The following GCN1 variants were observed in gnomAD, a reference collection of about 807,000 sequenced individuals.
GCN1 encodes GCN1 activator of EIF2AK4, also known as stalled ribosome sensor GCN1.
A neutral mutation model predicts 288.4 loss-of-function variants in GCN1; 90 were observed. That is an observed-to-expected ratio of 0.31 (90% CI 0.26 to 0.37). The LOEUF (loss-of-function observed/expected upper bound fraction) is 0.37. GCN1 is among the 10% of genes least tolerant of loss of function. The probability of loss-of-function intolerance (pLI) is 1.00; values close to 1 mark genes in which losing one functional copy is unlikely to be tolerated. For synonymous variants in GCN1, 1,386 were observed against 1,420.2 expected (o/e 0.98, Z 0.54); for missense variants, 2,586 against 3,419.9 (o/e 0.76, Z 6.08).
rs565637961 is a variant in GCN1, at chr12:120,137,670, A to C, written c.6538T>G (p.Ser2180Ala). The C allele has an allele frequency of 6.2e-7, 1 of 1,614,012 alleles. No homozygotes were observed. Among genetic ancestry groups the C allele is most frequent in the Non-Finnish European group, 8.5e-7 (1 of 1,180,000 alleles). ...AAAIILNIYC[S>A]RSKADYTSHL... ...CTGGTGTAGTCAGCCTTTGAGCGGG[A>C]ACAGTAGATGTTGAGGATGATGGCA... is the stretch of plus-strand genomic sequence containing the variant. The change falls in exon 49 of 58, where the codon TCC becomes GCC. Residue 2180 changes from serine (S) to alanine (A), a missense_variant. By Grantham distance (99) the Ser-to-Ala change is moderately conservative. Transcript: ENST00000300648. The surrounding 1 kb of genome is among the most constrained non-coding windows in gnomAD (Gnocchi z 5.2).
In GCN1 at chr12:120,137,366, A is replaced by G; in HGVS notation, c.6664-47T>C. ...CGAGAGGATGTACAGCCCTCTCAAG[A>G]CTGCTTCCAAAGAATATATGGGGAA... On this transcript the variant is annotated intron_variant, in intron 49 of 57. Transcript: ENST00000300648. This position sits in a 1 kb window ranked among gnomAD's most constrained non-coding sequence, Gnocchi z 5.2. 6.6e-7 allele frequency: 1 copy of G among 1,519,584 alleles called. No individual in the cohort carries two copies. The highest frequency in any genetic ancestry group is 9.1e-7 in the Non-Finnish European group (1 of 1,095,214). The allele number at this position is 1,519,584 out of a possible 1,614,324, so 94.1% of individuals were successfully genotyped here.
In GCN1 at chr12:120,177,528, G is replaced by C; in HGVS notation, c.757C>G (p.Leu253Val). 1.9e-6 allele frequency: 3 copies of C among 1,611,066 alleles called. No individual in the cohort carries two copies. The highest frequency in any genetic ancestry group is 2.2e-5 in the South Asian group (2 of 91,002). The change falls in exon 9 of 58, where the codon CTG becomes GTG. Residue 253 changes from leucine (L) to valine (V), a missense_variant. Physicochemically the swap from Leu to Val is conservative, Grantham distance 32. Transcript: ENST00000300648. ...AGATCCTTAAATTCTGAGTGGGACA[G>C]GTATCGGAGCAGAGGGGCACAGCTA... ...LDSCAPLLRYLSHSEFKDLIL... is the reference protein window; with the variant it reads ...LDSCAPLLRYVSHSEFKDLIL...
At chr12:120,184,731 G>A (rs1878768298) in intron 3 of GCN1, 93 bp downstream of exon 3, 3 of 914,912 alleles carry the variant, frequency 3.3e-6, no homozygotes, top group Non-Finnish European at 5.4e-6. Flanking sequence ...TTTGGCACCA[G>A]GCAGTCTGGC....
chr12:120,151,119 G>A, intron 34 of GCN1, 26 bp downstream of exon 34: 1 of 1,606,206 alleles, frequency 6.2e-7, no homozygotes, highest in Non-Finnish European at 8.5e-7. Flanking sequence ...CCCATGCTGG[G>A]CAGCCCCAAG....
At chr12:120,145,565 T>C (rs1314325147) in intron 38 of GCN1, among the ~76,000 whole-genome samples, 1 of 152,174 alleles carries the variant, frequency 6.6e-6, no homozygotes, top group Non-Finnish European at 1.5e-5. Context: ...CCCAGGCCCA[T>C]CCTCAACAAA....
intron 22 of GCN1, 42 bp from the exon 23 acceptor site, chr12:120,160,297 A>AC: frequency 7.4e-7 from 1 of 1,343,502 alleles, no homozygotes; most frequent in Non-Finnish European, 1.1e-6. Flanking sequence ...TCTCCAGGGA[A>AC]CAGACCTCCC....
chr12:120,140,930 G>A lies in GCN1; in HGVS notation c.5923C>T (p.Gln1975Ter). The A allele has an allele frequency of 6.2e-7, 1 of 1,614,084 alleles. No homozygotes were observed. Among genetic ancestry groups the A allele is most frequent in the Non-Finnish European group, 8.5e-7 (1 of 1,179,980 alleles). Residue 1975 changes from glutamine to a stop codon, truncating the protein, a stop_gained, in exon 45 of 58, where the codon CAG (glutamine) becomes TAG (stop). Transcript: ENST00000300648. LOFTEE classifies it high-confidence loss of function. ...ACACCCTGCCTCTCATCGCTCTTCT[G>A]AGACCTCAGGCCTTCCTCAAGGATG... The part of the protein sequence containing the change: ...IPILEEGLRS[Q>*]KSDERQGVCI...
chr12:120,182,180 A>T (rs994492188), intron 5 of GCN1, among the ~76,000 whole-genome samples: 2 of 151,760 alleles, frequency 1.3e-5, no homozygotes, highest in Non-Finnish European at 2.9e-5. Context: ...AAACAAAAAA[A>T]ACCACTCAGT....
At chr12:120,183,919 G>A (rs1878743542) in intron 4 of GCN1, among the ~76,000 whole-genome samples, 193 bp downstream of exon 4, 1 of 152,176 alleles carries the variant, frequency 6.6e-6, no homozygotes, top group South Asian at 2.1e-4. Context: ...CCACCATTAG[G>A]GGCCTGGTGG....
At chr12:120,176,268 CA>C in intron 9 of GCN1, 51 bp from the exon 10 acceptor site, 1 of 1,255,870 alleles carries the variant, frequency 8.0e-7, no homozygotes, top group Non-Finnish European at 1.2e-6. Context: ...ATAAATTCAA[CA>C]GATAATTTTG....
rs113542818 is a variant in GCN1, at chr12:120,157,782, C to T, written c.3087+67G>A. 533 of 1,266,636 alleles carry T rather than the reference C, an allele frequency of 4.2e-4. 3 individuals carry two copies. The African/African-American group carries it at 6.1e-3, about 15-fold the overall frequency. The allele number at this position is 1,266,636 out of a possible 1,614,324, so 78.5% of individuals were successfully genotyped here. ...ACCAGGAACTGTTCATGAGACAAAA[C>T]GTGTCCACAGGCCCTGCCTCCCTGA... On this transcript the variant is annotated intron_variant, in intron 26 of 57. Coordinates refer to ENST00000300648, the MANE Select transcript of GCN1 (RefSeq NM_006836.2).
Position 120,136,712 on chromosome 12 carries a change from T to C in GCN1, c.6798A>G (p.Pro2266=). The C allele has an allele frequency of 6.2e-7, 1 of 1,612,978 alleles. No homozygotes were observed. The highest frequency in any genetic ancestry group is 8.5e-7 in the Non-Finnish European group (1 of 1,179,242). ...CAGTCAGGACTCCTTCCCGCAACAC[T>C]GGAAGGATGGAGGTCACTCCCTGAC... ...LPKKGVTSIL[P]VLREGVLTGS... Residue 2266 remains proline (P), a synonymous_variant, in exon 51 of 58, where the codon CCA becomes CCG. Coordinates refer to ENST00000300648, the MANE Select transcript of GCN1 (RefSeq NM_006836.2).
chr12:120,159,286 C>T (rs1329962203), intron 24 of GCN1, among the ~76,000 whole-genome samples: 1 of 152,190 alleles, frequency 6.6e-6, no homozygotes, highest in Non-Finnish European at 1.5e-5. Flanking sequence ...CTTTTCCACT[C>T]AGAACAGTTC....
chr12:120,176,008 GC>G, intron 10 of GCN1, 134 bp from the exon 11 acceptor site: 1 of 1,294,298 alleles, frequency 7.7e-7, no homozygotes, highest in East Asian at 2.3e-5. Context: ...GAAAGAAACT[GC>G]CAATGCCAAT....
Position 120,144,639 on chromosome 12 carries a change from T to C in GCN1, c.5352A>G (p.Lys1784=). 1 of 1,613,166 alleles carries C rather than the reference T, an allele frequency of 6.2e-7. No homozygotes were observed. Among genetic ancestry groups the C allele is most frequent in the Non-Finnish European group, 8.5e-7 (1 of 1,179,104 alleles). Residue 1784 remains lysine, a splice_region_variant and synonymous_variant, in exon 41 of 58, where the codon AAA becomes AAG. Coordinates refer to ENST00000300648, the MANE Select transcript of GCN1 (RefSeq NM_006836.2). This position sits in a 1 kb window ranked among gnomAD's most constrained non-coding sequence, Gnocchi z 4.7. ...YVGPIIPCIL[K]ALADENEFVR... ...CCCTTGCCAAGGTCATGGTACCTAC[T>C]TTGAGGATACAGGGGATGATGGGCC...
chr12:120,170,841 G>A (rs1314659285), intron 14 of GCN1, among the ~76,000 whole-genome samples: 1 of 151,064 alleles, frequency 6.6e-6, no homozygotes, highest in Non-Finnish European at 1.5e-5. Flanking sequence ...GTCCAAATCT[G>A]CTGACCTCTG....
Position 120,137,865 on chromosome 12 carries a change from G to A in GCN1, c.6393+36C>T, listed in dbSNP as rs1206757296. 11 of 1,612,778 alleles carry A rather than the reference G, an allele frequency of 6.8e-6. No individual in the cohort carries two copies. The highest frequency in any genetic ancestry group is 6.7e-5 in the Admixed American group (4 of 59,970). On this transcript the variant is annotated intron_variant, in intron 48 of 57. Coordinates refer to ENST00000300648, the MANE Select transcript of GCN1 (RefSeq NM_006836.2). This position sits in a 1 kb window ranked among gnomAD's most constrained non-coding sequence, Gnocchi z 5.2. ...CTGAGCAGGGATCCTCCGGGCAGAC[G>A]GGACATGAGAAAGCAGGAGCAGGCT... is the stretch of plus-strand genomic sequence containing the variant.
Position 120,174,159 on chromosome 12 carries a change from G to A in GCN1, c.1104C>T (p.Ser368=), listed in dbSNP as rs755405487. ...QKMSVLSGIG[S]VSHHVVSGPS... is the part of the protein sequence containing the mutation. ...GTCCAGACACCACGTGATGACTGAC[G>A]CTCCCAATCCCTAAAAGGCAGATTC... Residue 368 remains serine (S), a synonymous_variant, in exon 13 of 58, where the codon AGC becomes AGT. Transcript: ENST00000300648. The A allele has an allele frequency of 2.1e-5, 33 of 1,585,872 alleles. No homozygotes were observed. Among genetic ancestry groups the A allele is most frequent in the African/African-American group, 8.1e-5 (6 of 74,374 alleles).
chr12:120,138,496 T>TTGTTTCCCTCCCTCC (rs1877083598), intron 46 of GCN1, 81 bp from the exon 47 acceptor site: 1 of 1,056,162 alleles, frequency 9.5e-7, no homozygotes. Flanking sequence ...CCTTCTCCAC[T>TTGTTTCCCTCCCTCC]TGTTTCCCTC....
Sources: gnomAD v4.1 joint callset for allele counts (sites outside exome capture counted in the v4.1 genomes callset) on GRCh38, gnomAD v4.1.1 for gene constraint, Gnocchi (gnomAD v3.1) non-coding constraint, MANE v1.5 for transcripts, NCBI Gene and HGNC (gene_info 2026-07-23, HGNC 2026-07-21) for gene names.